SYT9: variants seen among roughly 807,000 people sequenced by gnomAD.
SYT9 encodes the protein synaptotagmin-9.
Under a neutral mutation model 48.4 loss-of-function variants are expected in SYT9, and 22 were observed. That is an observed-to-expected ratio of 0.45 (90% confidence interval 0.32 to 0.65). The LOEUF is 0.65. Among genes scored for constraint, SYT9 ranks in the 30% least tolerant of loss-of-function variants. The pLI is 0.03. For missense variants in SYT9, 577 were observed against 622.0 expected, an observed-to-expected ratio of 0.93 and a Z score of 0.77; for synonymous variants, 265 against 245.0, an observed-to-expected ratio of 1.08 and a Z score of -0.76.
chr11:7,282,392 T>C (rs1329257636), intron 1 of SYT9, among the ~76,000 whole-genome samples: 1 of 152,208 alleles, frequency 6.6e-6, no homozygotes, highest in African/African-American at 2.4e-5. Context: ...GATGTGCAAC[T>C]GATTCCATGG....
Position 7,346,127 on chromosome 11 carries a change from CA to C in SYT9, c.1044+32189del, listed in dbSNP as rs1375459678. Among the ~76,000 whole-genome samples, 5 of 152,220 alleles carry C rather than the reference CA, an allele frequency of 3.3e-5. No homozygotes were observed. In the East Asian group the frequency reaches 9.7e-4, roughly 29 times the overall value. On this transcript the variant is annotated intron_variant, in intron 3 of 6. Transcript: ENST00000318881. The stretch of plus-strand genomic sequence containing the variant: ...GAACTTTCCATAGAGCAGTAAGGAC[CA>C]AAGCCAGAACAGAGTAGACTGGAAA...
At chr11:7,395,319 T>C (rs1372082114) in intron 3 of SYT9, among the ~76,000 whole-genome samples, 2 of 152,196 alleles carry the variant, frequency 1.3e-5, no homozygotes, top group Non-Finnish European at 2.9e-5. Context: ...ATGTACATTC[T>C]ATGATTGTTG....
intron 3 of SYT9, among the ~76,000 whole-genome samples, chr11:7,393,040 GC>G (rs1846667485): frequency 1.3e-5 from 2 of 152,236 alleles, no homozygotes; most frequent in Admixed American, 6.5e-5. Flanking sequence ...CATACTGTCA[GC>G]AAAGAGAGAT....
At chr11:7,427,958 T>C (rs1847496105) in intron 6 of SYT9, 1 of 152,220 alleles carries the variant, frequency 6.6e-6, no homozygotes, top group African/African-American at 2.4e-5. Context: ...GGCATTGTGT[T>C]TCCAGCTGGT....
intron 1 of SYT9, among the ~76,000 whole-genome samples, chr11:7,289,589 A>T (rs1371312561): frequency 6.6e-6 from 1 of 152,260 alleles, no homozygotes; most frequent in Non-Finnish European, 1.5e-5. Flanking sequence ...CTGCCTGCTC[A>T]TAGCTATAGC....
intron 1 of SYT9, among the ~76,000 whole-genome samples, chr11:7,268,620 T>G (rs1011087821): frequency 7.9e-5 from 12 of 151,952 alleles, no homozygotes; most frequent in African/African-American, 2.2e-4. Context: ...GTTTTTTGGT[T>G]GTTGTTTTAT....
intron 3 of SYT9, among the ~76,000 whole-genome samples, chr11:7,347,814 C>G (rs752991457): frequency 3.3e-5 from 5 of 152,114 alleles, no homozygotes; most frequent in Non-Finnish European, 7.4e-5. Flanking sequence ...AGAGTGGTCT[C>G]AGGCCTCCTG....
chr11:7,357,269 A>G (rs192051196), intron 3 of SYT9, among the ~76,000 whole-genome samples: 46 of 152,278 alleles, frequency 3.0e-4, no homozygotes, highest in African/African-American at 1.1e-3. Flanking sequence ...ATAACCCTTT[A>G]CCTATTATGT....
chr11:7,247,688 A>ATATACGTATATATGTGTGTG (rs1564834956), upstream of SYT9, among the ~76,000 whole-genome samples: 250 of 148,104 alleles, frequency 1.7e-3, 3 homozygotes, highest in African/African-American at 5.9e-3. Context: ...ATGTGTGTAT[A>ATATACGTATATATGTGTGTG]TATATATATA....
At chr11:7,351,438 G>A (rs906424598) in intron 3 of SYT9, among the ~76,000 whole-genome samples, 1 of 152,204 alleles carries the variant, frequency 6.6e-6, no homozygotes, top group South Asian at 2.1e-4. Flanking sequence ...CCACTTTTGA[G>A]AGCAGCCGCT....
chr11:7,244,066 A>G (rs16923790), intron 1 of SYT9, among the ~76,000 whole-genome samples: 6,995 of 152,202 alleles, frequency 0.046, 222 homozygotes, highest in East Asian at 0.12. Context: ...ACGATGAACA[A>G]ATGTAAAACC....
At chr11:7,253,279 G>T (rs911733861) in intron 1 of SYT9, among the ~76,000 whole-genome samples, 9 of 152,236 alleles carry the variant, frequency 5.9e-5, no homozygotes, top group African/African-American at 2.2e-4. Context: ...TACCAAAACA[G>T]CATATTGTGG....
intron 1 of SYT9, among the ~76,000 whole-genome samples, chr11:7,263,138 C>G (rs1043684182): frequency 3.9e-5 from 6 of 152,132 alleles, no homozygotes; most frequent in Non-Finnish European, 7.4e-5. Context: ...TCTAGATGAG[C>G]TTACTGTCTT....
At chr11:7,381,287 C>A (rs16925533) in intron 3 of SYT9, among the ~76,000 whole-genome samples, 2,581 of 152,256 alleles carry the variant, frequency 0.017, 70 homozygotes, top group African/African-American at 0.058. Context: ...GGTCTGGTAT[C>A]ATCTGCTTTT....
intron 1 of SYT9, among the ~76,000 whole-genome samples, chr11:7,279,571 T>C (rs574414694): frequency 9.9e-5 from 15 of 152,270 alleles, no homozygotes; most frequent in Non-Finnish European, 1.3e-4. Context: ...ACCTCCCGCC[T>C]TCAGAGATAC....
intron 3 of SYT9, among the ~76,000 whole-genome samples, chr11:7,379,997 T>C (rs561923524): frequency 6.6e-5 from 10 of 152,298 alleles, no homozygotes; most frequent in Admixed American, 3.9e-4. Context: ...ACTCTTATGT[T>C]TGTTGCAGCA....
chr11:7,466,734 A>G, intron 6 of SYT9, 58 bp from the exon 7 acceptor site: 2 of 1,575,142 alleles, frequency 1.3e-6, no homozygotes, highest in Non-Finnish European at 1.7e-6. Context: ...AAAAAAAAAA[A>G]AAGAAAAAAA....
chr11:7,257,537 G>GA (rs1230308715), intron 1 of SYT9, among the ~76,000 whole-genome samples: 1 of 151,912 alleles, frequency 6.6e-6, no homozygotes, highest in Non-Finnish European at 1.5e-5. Context: ...TAGTTTCTAT[G>GA]AAAAAAATCT....
intron 1 of SYT9, among the ~76,000 whole-genome samples, chr11:7,267,247 C>T (rs1242465869): frequency 6.6e-6 from 1 of 151,790 alleles, no homozygotes; most frequent in Non-Finnish European, 1.5e-5. Context: ...TGATAGAATA[C>T]ATCAACTAGA....
Sources: gnomAD v4.1 joint callset for allele counts (sites outside exome capture counted in the v4.1 genomes callset) on GRCh38, gnomAD v4.1.1 for gene constraint, MANE v1.5 for transcripts, NCBI Gene and HGNC (gene_info 2026-07-23, HGNC 2026-07-21) for gene names.